Variants in CTRB2 observed in about 807,000 individuals in gnomAD.
CTRB2 encodes chymotrypsinogen B2, also known as chymotrypsin B2.
Under a neutral mutation model 19.3 loss-of-function variants are expected in CTRB2, and 9 were observed. The observed-to-expected ratio is 0.47, with a 90% CI of 0.28 to 0.81. The LOEUF is 0.81. CTRB2 is among the 40% of genes least tolerant of loss of function. The pLI, the probability that CTRB2 is intolerant of heterozygous loss-of-function variation, is 0.11. For synonymous variants in CTRB2, 98 were observed against 117.3 expected (o/e 0.84, Z 1.06); for missense variants, 210 against 269.7 (o/e 0.78, Z 1.55).
rs375107590 is a variant in CTRB2 at position 75,206,370 on chromosome 16, C to A, written c.53-177G>T. On this transcript the variant is annotated intron_variant, in intron 1 of 6. Transcript: ENST00000303037. ...GCAGAGCTGGAATCCCCAGGTACAA[C>A]TGAGTCCAATGAACTGGGCTGTGGG... is the stretch of plus-strand genomic sequence containing the variant. 110 of 662,720 alleles carry A rather than the reference C, an allele frequency of 1.7e-4. No homozygotes were observed. In the East Asian group the frequency reaches 2.6e-3, roughly 16 times the overall value. 41.1% of individuals were successfully genotyped at this position (662,720 alleles called of 1,614,324 possible). A position where few individuals can be genotyped will look rare whatever the true frequency, so the allele number is the denominator to read the frequency against.
rs2038865031 is a variant in CTRB2 at position 75,204,133 on chromosome 16, T to A, written c.*28A>T. 6.2e-7 allele frequency: 1 copy of A among 1,613,954 alleles called. No individual in the cohort carries two copies. The highest frequency in any genetic ancestry group is 8.5e-7 in the Non-Finnish European group (1 of 1,179,900). Reference sequence around the variant, plus strand: ...AACAGATGCATTTAATGGGAAATCTTAAGGCAGGGGTGGCAGGAGCTGCGG... The same window carrying A: ...AACAGATGCATTTAATGGGAAATCTAAAGGCAGGGGTGGCAGGAGCTGCGG... On this transcript the variant is annotated 3_prime_UTR_variant, in exon 7 of 7. Coordinates refer to ENST00000303037, the MANE Select transcript of CTRB2 (RefSeq NM_001025200.4).
intron 1 of CTRB2, 105 bp downstream of exon 1, chr16:75,206,985 G>A (rs72802352): frequency 0.067 from 72,959 of 1,089,898 alleles, 2,691 homozygotes; most frequent in Non-Finnish European, 0.076. Context: ...CCCACACTGC[G>A]GTGCACAGCT....
intron 1 of CTRB2, 36 bp from the exon 2 acceptor site, chr16:75,206,229 C>G (rs558976285): frequency 6.5e-7 from 1 of 1,538,324 alleles, no homozygotes; most frequent in African/African-American, 1.4e-5. Context: ...TGGGTACCAC[C>G]CACCCAGGTC....
chr16:75,206,560 A>C, intron 1 of CTRB2: 1 of 357,726 alleles, frequency 2.8e-6, no homozygotes, highest in Non-Finnish European at 5.1e-6. Flanking sequence ...CCCATCAGCA[A>C]AGTGGGGATC....
At chr16:75,206,215 G>C in intron 1 of CTRB2, 22 bp from the exon 2 acceptor site, 2 of 1,551,404 alleles carry the variant, frequency 1.3e-6, no homozygotes, top group Non-Finnish European at 1.7e-6. Context: ...AGTGGGCTGA[G>C]GGGTGGGTAC....
Position 75,204,164 on chromosome 16 carries a change from G to C in CTRB2, c.789C>G (p.Asn263Lys), listed in dbSNP as rs34824152. ...IPWVQKILAA[N>K] ...AGGGGTGGCAGGAGCTGCGGGCTCA[G>C]TTGGCGGCCAGGATCTTCTGCACCC... Residue 263 changes from asparagine (N) to lysine (K), a missense_variant, in exon 7 of 7, where the codon AAC becomes AAG. Asn to Lys is a moderately conservative substitution (Grantham distance 94, BLOSUM62 0). Around this residue, in one of 4 missense-constraint regions of CTRB2, gnomAD observed 120 missense variants for 90.8 expected, o/e 1.32. Transcript: ENST00000303037. 1.2e-6 allele frequency: 2 copies of C among 1,614,172 alleles called. No individual in the cohort carries two copies. The highest frequency in any genetic ancestry group is 1.7e-5 in the Admixed American group (1 of 60,018).
At chr16:75,206,661 G>A (rs906690275) in intron 1 of CTRB2, 39 of 312,232 alleles carry the variant, frequency 1.2e-4, no homozygotes, top group South Asian at 3.5e-5. Context: ...GTGAGCAGGA[G>A]TTTAAGAGGG....
chr16:75,206,972 A>G, intron 1 of CTRB2, 118 bp downstream of exon 1: 2 of 983,244 alleles, frequency 2.0e-6, no homozygotes, highest in Non-Finnish European at 3.1e-6. Context: ...TGACTCGCCC[A>G]GGCCCACACT....
intron 1 of CTRB2, chr16:75,206,471 C>T: frequency 1.9e-6 from 1 of 519,546 alleles, no homozygotes. Flanking sequence ...GGGCGGCAGC[C>T]CCGGCGCTCA....
rs1251069043 is a variant in CTRB2, at chr16:75,204,755, G to C, written c.630+18C>G. On this transcript the variant is annotated intron_variant, in intron 6 of 6. Transcript: ENST00000303037. ...CACCCCGCTCGCCTGGCCAGGGCCT[G>C]GGCAGGGCCAGCCTCACCATGCAGG... 2 of 1,295,950 alleles carry C rather than the reference G, an allele frequency of 1.5e-6. No homozygotes were observed. Among genetic ancestry groups the C allele is most frequent in the East Asian group, 2.6e-5 (1 of 38,578 alleles). The allele number at this position is 1,295,950 out of a possible 1,614,324, so 80.3% of individuals were successfully genotyped here.
At chr16:75,206,670 G>A (rs572644680) in intron 1 of CTRB2, 1 of 315,380 alleles carries the variant, frequency 3.2e-6, no homozygotes, top group South Asian at 3.4e-5. Context: ...AGTTTAAGAG[G>A]GTGAGGCTCG....
Position 75,206,399 on chromosome 16 carries a change from C to T in CTRB2, c.53-206G>A, listed in dbSNP as rs2038892615. On this transcript the variant is annotated intron_variant, in intron 1 of 6. Coordinates refer to ENST00000303037, the MANE Select transcript of CTRB2 (RefSeq NM_001025200.4). Reference sequence around the variant, plus strand: ...GTCCAATGAACTGGGCTGTGGGCTGCTGAGGAATGGGGTGTTGGCCCCACC... The same window carrying T: ...GTCCAATGAACTGGGCTGTGGGCTGTTGAGGAATGGGGTGTTGGCCCCACC... The T allele has an allele frequency of 4.9e-6, 3 of 607,890 alleles. No homozygotes were observed. The South Asian group carries it at 6.5e-5, about 13-fold the overall frequency. 37.7% of individuals were successfully genotyped at this position (607,890 alleles called of 1,614,324 possible). A position where few individuals can be genotyped will look rare whatever the true frequency, so the allele number is the denominator to read the frequency against.
chr16:75,204,502 G>C (rs577372249), intron 6 of CTRB2, among the ~76,000 whole-genome samples, 180 bp from the exon 7 acceptor site: 1 of 152,254 alleles, frequency 6.6e-6, no homozygotes, highest in South Asian at 2.1e-4. Context: ...CACTCTTGGA[G>C]GGAGCTGGGG....
At position 75,204,766 on chromosome 16, in the gene CTRB2, G is replaced by C. The variant is rs1469013819; in HGVS notation, c.630+7C>G. 10 of 1,343,488 alleles carry C rather than the reference G, an allele frequency of 7.4e-6. 1 individual carries two copies. Among genetic ancestry groups the C allele is most frequent in the Non-Finnish European group, 9.9e-6 (10 of 1,008,388 alleles). The allele number at this position is 1,343,488 out of a possible 1,614,324, so 83.2% of individuals were successfully genotyped here. A position where few individuals can be genotyped will look rare whatever the true frequency, so the allele number is the denominator to read the frequency against. ...CCTGGCCAGGGCCTGGGCAGGGCCA[G>C]CCTCACCATGCAGGAGGAGACGCCA... On this transcript the variant is annotated splice_region_variant and intron_variant, in intron 6 of 6. Transcript: ENST00000303037.
In CTRB2 at chr16:75,206,936, A is replaced by G. The variant is rs957446693; in HGVS notation, c.52+154T>C. On this transcript the variant is annotated intron_variant, in intron 1 of 6. Coordinates refer to ENST00000303037, the MANE Select transcript of CTRB2 (RefSeq NM_001025200.4). ...CCTGGGAGGGAGGCATTGACCTCTC[A>G]GCGCCCACGGCAGAGATGGAGCCGG... 15 of 727,374 alleles carry G rather than the reference A, an allele frequency of 2.1e-5. No homozygotes were observed. In the African/African-American group the frequency reaches 2.4e-4, roughly 12 times the overall value. The allele number at this position is 727,374 out of a possible 1,614,324, so 45.1% of individuals were successfully genotyped here.
chr16:75,204,803 A>C lies in CTRB2; in HGVS notation c.600T>G (p.Cys200Trp). 1 of 1,436,094 alleles carries C rather than the reference A, an allele frequency of 7.0e-7. No homozygotes were observed. The highest frequency in any genetic ancestry group is 1.3e-5 in the South Asian group (1 of 79,914). 89.0% of individuals were successfully genotyped at this position (1,436,094 alleles called of 1,614,324 possible). Reference protein sequence around the residue: ...WGRRITDVMICAGASGVSSCM... With the variant: ...WGRRITDVMIWAGASGVSSCM... ...AGGAGGAGACGCCACTGGCCCCGGC[A>C]CAGATCATCACGTCGGTGATCCTCC... Residue 200 changes from cysteine (C) to tryptophan (W), a missense_variant, in exon 6 of 7, where the codon TGT (cysteine) becomes TGG (tryptophan). Transcript: ENST00000303037.
At chr16:75,204,672 G>A (rs1386747751) in intron 6 of CTRB2, 101 bp downstream of exon 6, 22 of 1,548,232 alleles carry the variant, frequency 1.4e-5, no homozygotes, top group Admixed American at 2.0e-5. Context: ...TGGGCCCCAG[G>A]AGGGTGTGGG....
In CTRB2 at chr16:75,206,183, G is replaced by A. The variant is rs2038888850; in HGVS notation, c.63C>T (p.Val21=). 2 of 1,556,628 alleles carry A rather than the reference G, an allele frequency of 1.3e-6. No homozygotes were observed. The highest frequency in any genetic ancestry group is 1.7e-6 in the Non-Finnish European group (2 of 1,149,778). Residue 21 remains valine (V), a synonymous_variant, in exon 2 of 7, where the codon GTC becomes GTT. Coordinates refer to ENST00000303037, the MANE Select transcript of CTRB2 (RefSeq NM_001025200.4). The stretch of plus-strand genomic sequence containing the variant: ...CGCTGAGCACAGGGTGGATGGCGGG[G>A]ACCCCGCAGCCTGGGGGCGGGAGTG... ...ALLGTTFGCG[V]PAIHPVLSGL... is the part of the protein sequence containing the mutation.
In CTRB2 at chr16:75,204,320, A is replaced by G. The variant is rs1130509; in HGVS notation, c.633T>C (p.Gly211=). The change falls in exon 7 of 7, where the codon GGT becomes GGC. Residue 211 remains glycine (G), a splice_region_variant and synonymous_variant. Transcript: ENST00000303037. ...AGASGVSSCM[G]DSGGPLVCQK... ...GGCAGACCAGGGGGCCTCCAGAGTCACCCTGCAGGAAGGAGAGGAAGTATC... is the reference window on the plus strand; with the variant it reads ...GGCAGACCAGGGGGCCTCCAGAGTCGCCCTGCAGGAAGGAGAGGAAGTATC... 5.6e-6 allele frequency: 9 copies of G among 1,613,716 alleles called. No individual in the cohort carries two copies. Among genetic ancestry groups the G allele is most frequent in the East Asian group, 2.2e-5 (1 of 44,862 alleles).
Sources: allele counts gnomAD v4.1 joint callset (sites outside exome capture counted in the v4.1 genomes callset), GRCh38; gene constraint gnomAD v4.1.1; regional missense constraint gnomAD v4.1.1; transcripts MANE v1.5; gene names NCBI Gene and HGNC (gene_info 2026-07-23, HGNC 2026-07-21).